ACP7: variants seen among roughly 807,000 people sequenced by gnomAD.
The protein encoded by ACP7 is acid phosphatase type 7.
Under a neutral mutation model 60.6 loss-of-function variants are expected in ACP7, and 58 were observed. The ratio of observed to expected loss-of-function variants is 0.96; its 90% CI spans 0.77 to 1.19. The LOEUF (loss-of-function observed/expected upper bound fraction) is 1.19. Among genes scored for constraint, ACP7 ranks in the 50% most tolerant of loss-of-function variants. The pLI is 0.00. For missense variants in ACP7, 574 were observed against 596.2 expected (o/e 0.96, Z 0.39); for synonymous variants, 237 against 232.6 (o/e 1.02, Z -0.17).
chr19:39,087,439 A>G (rs1254747028), intron 2 of ACP7, among the ~76,000 whole-genome samples: 1 of 152,052 alleles, frequency 6.6e-6, no homozygotes, highest in Non-Finnish European at 1.5e-5. Flanking sequence ...TTGCACAGAC[A>G]TGTGGTTGAA....
intron 11 of ACP7, 27 bp downstream of exon 11, chr19:39,101,564 C>T (rs1427115664): frequency 1.9e-6 from 3 of 1,602,534 alleles, no homozygotes; most frequent in East Asian, 2.2e-5. Context: ...GTGGCTTTGC[C>T]TTCTCTCTCT....
At chr19:39,104,457 T>C (rs1212608418) in intron 11 of ACP7, among the ~76,000 whole-genome samples, 1 of 152,114 alleles carries the variant, frequency 6.6e-6, no homozygotes, top group East Asian at 1.9e-4. Context: ...TCTCCCAGAG[T>C]AGCTGCCACA....
chr19:39,106,734 G>C (rs1448532438), intron 11 of ACP7, among the ~76,000 whole-genome samples: 1 of 152,166 alleles, frequency 6.6e-6, no homozygotes, highest in Non-Finnish European at 1.5e-5. Flanking sequence ...ATGTTGGCCA[G>C]GCTGGTCTCT....
intron 11 of ACP7, among the ~76,000 whole-genome samples, chr19:39,103,027 G>A (rs1237084004): frequency 1.3e-5 from 2 of 151,776 alleles, no homozygotes; most frequent in Non-Finnish European, 2.9e-5. Context: ...TAGTAGAGAT[G>A]AGGTTTCACC....
At position 39,091,982 on chromosome 19, in the gene ACP7, C is replaced by G. The variant is rs575946841; in HGVS notation, c.122-6476C>G. Among the ~76,000 whole-genome samples, 10 of 152,222 alleles carry G rather than the reference C, an allele frequency of 6.6e-5. No individual in the cohort carries two copies. The South Asian group carries it at 1.0e-3, about 16-fold the overall frequency. ...GATATCCCTGATTTCAGCCCAGCAC[C>G]ATGGGTTTATTTTAGCCTTATCTTT... On this transcript the variant is annotated intron_variant, in intron 2 of 12. Coordinates refer to ENST00000331256, the MANE Select transcript of ACP7 (RefSeq NM_001004318.3).
intron 12 of ACP7, among the ~76,000 whole-genome samples, chr19:39,107,410 T>C (rs1406637455): frequency 6.6e-6 from 1 of 150,516 alleles, no homozygotes; most frequent in African/African-American, 2.4e-5. Context: ...GTGAAACCCC[T>C]TCTCTACTAA....
At chr19:39,092,771 CTTTTTTTTT>C (rs67888880) in intron 2 of ACP7, among the ~76,000 whole-genome samples, 2 of 114,650 alleles carry the variant, frequency 1.7e-5, no homozygotes, top group African/African-American at 6.2e-5. Flanking sequence ...TCCCATTCCT[CTTTTTTTTT>C]TTTTTTTTTT....
At chr19:39,085,052 CT>C (rs1381841376) in intron 1 of ACP7, 39 bp from the exon 2 acceptor site, 1 of 530,446 alleles carries the variant, frequency 1.9e-6, no homozygotes, top group African/African-American at 1.9e-5. Flanking sequence ...AGCTCTGCTG[CT>C]GTTCCTTAGC....
intron 12 of ACP7, among the ~76,000 whole-genome samples, chr19:39,109,226 G>C (rs529503064): frequency 6.6e-6 from 1 of 152,166 alleles, no homozygotes; most frequent in Non-Finnish European, 1.5e-5. Context: ...TTTTCCCAGG[G>C]TCACACAGTT....
At chr19:39,093,269 G>A (rs555505886) in intron 2 of ACP7, among the ~76,000 whole-genome samples, 3 of 128,956 alleles carry the variant, frequency 2.3e-5, no homozygotes, top group African/African-American at 9.7e-5. Flanking sequence ...TCTTTTTTTC[G>A]AGACGGGGTC....
At position 39,110,226 on chromosome 19, in the gene ACP7, C is replaced by A. The variant is rs1025967913; in HGVS notation, c.*108C>A. 3.0e-5 allele frequency: 31 copies of A among 1,033,274 alleles called. 1 individual carries two copies. The South Asian group carries it at 4.1e-4, about 14-fold the overall frequency. 64.0% of individuals were successfully genotyped at this position (1,033,274 alleles called of 1,614,324 possible). A position where few individuals can be genotyped will look rare whatever the true frequency, so the allele number is the denominator to read the frequency against. On this transcript the variant is annotated 3_prime_UTR_variant, in exon 13 of 13. Coordinates refer to ENST00000331256, the MANE Select transcript of ACP7 (RefSeq NM_001004318.3). ...AGTTGGGTGGGCCCTGACTCCCCTG[C>A]CCTCCAGAGGCCCCATGTAGGGTAC...
At position 39,100,332 on chromosome 19, in the gene ACP7, G is replaced by A. The variant is rs2073324786; in HGVS notation, c.611G>A (p.Gly204Glu). The change falls in exon 5 of 13, where the codon GGG becomes GAG. Residue 204 changes from glycine (G) to glutamate (E), a missense_variant. By Grantham distance (98) the Gly-to-Glu change is moderately conservative (BLOSUM62 -2). Coordinates refer to ENST00000331256, the MANE Select transcript of ACP7 (RefSeq NM_001004318.3). Reference protein sequence around the residue: ...AASLPYMTCPGNHEERYNFSN... With the variant: ...AASLPYMTCPENHEERYNFSN... ...AGCCTGCCGTACATGACATGCCCTG[G>A]GAATCATGAAGAACGCTAGTGAGGA... 8 of 1,614,124 alleles carry A rather than the reference G, an allele frequency of 5.0e-6. No individual in the cohort carries two copies. Among genetic ancestry groups the A allele is most frequent in the East Asian group, 2.2e-5 (1 of 44,872 alleles).
intron 2 of ACP7, among the ~76,000 whole-genome samples, chr19:39,097,856 T>G (rs756459819): frequency 1.3e-5 from 2 of 152,288 alleles, no homozygotes; most frequent in Middle Eastern, 6.8e-3. Context: ...TATTTATTCA[T>G]CTAAGCCTCA....
chr19:39,089,045 T>G (rs1285748534), intron 2 of ACP7, among the ~76,000 whole-genome samples: 1 of 152,062 alleles, frequency 6.6e-6, no homozygotes, highest in Non-Finnish European at 1.5e-5. Flanking sequence ...TTCTCCTGCC[T>G]CAGTCTCTCA....
intron 5 of ACP7, 47 bp from the exon 6 acceptor site, chr19:39,100,533 T>C: frequency 6.2e-7 from 1 of 1,607,684 alleles, no homozygotes; most frequent in Non-Finnish European, 8.5e-7. Flanking sequence ...AGTAGGGCTA[T>C]GAAATTCAGT....
chr19:39,109,368 A>G (rs1425662550), intron 12 of ACP7, among the ~76,000 whole-genome samples: 1 of 152,070 alleles, frequency 6.6e-6, no homozygotes, highest in African/African-American at 2.4e-5. Flanking sequence ...TGTGCATTGC[A>G]TAGAACATGG....
chr19:39,098,253 C>CAAAAAAAAAAAAAAAAAAAAAAA (rs59373149), intron 2 of ACP7, among the ~76,000 whole-genome samples: 1 of 64,952 alleles, frequency 1.5e-5, no homozygotes, highest in Non-Finnish European at 2.7e-5. Context: ...GACCCTGACT[C>CAAAAAAAAAAAAAAAAAAAAAAA]AAAAAAAAAA....
Position 39,101,342 on chromosome 19 carries a change from T to C in ACP7, c.1028T>C (p.Ile343Thr). 6.2e-7 allele frequency: 1 copy of C among 1,614,100 alleles called. No homozygotes were observed. The highest frequency in any genetic ancestry group is 1.1e-5 in the South Asian group (1 of 91,080). The change falls in exon 10 of 13, where the codon ATT becomes ACT. Residue 343 changes from isoleucine to threonine, a missense_variant. Transcript: ENST00000331256. ...HEHSYERLWP[I>T]YNYQVFNGSR... Reference sequence around the variant, plus strand: ...CACTCGTATGAACGACTGTGGCCAATTTACAACTACCAGGTGAGGCACGTG... The same window carrying C: ...CACTCGTATGAACGACTGTGGCCAACTTACAACTACCAGGTGAGGCACGTG...
chr19:39,099,974 C>T (rs1424866642), intron 4 of ACP7, among the ~76,000 whole-genome samples: 1 of 119,400 alleles, frequency 8.4e-6, no homozygotes, highest in Non-Finnish European at 1.6e-5. Context: ...GCCTGGGCAG[C>T]AGAGGGAGAC....
Sources: gnomAD v4.1 joint callset for allele counts (sites outside exome capture counted in the v4.1 genomes callset) on GRCh38, gnomAD v4.1.1 for gene constraint, MANE v1.5 for transcripts, NCBI Gene and HGNC (gene_info 2026-07-23, HGNC 2026-07-21) for gene names.